Variants in NAA11 observed in about 807,000 individuals in gnomAD.
NAA11 encodes N-alpha-acetyltransferase 11, NatA catalytic subunit.
NAA11 carries 15 observed loss-of-function variants against 16.1 expected under a neutral mutation model. The ratio of observed to expected loss-of-function variants is 0.93; its 90% confidence interval spans 0.62 to 1.44. NAA11 has a LOEUF of 1.44. Ranked by LOEUF, NAA11 falls within the 40% of genes most tolerant of loss-of-function variation. NAA11 has a pLI of 0.00. For missense variants in NAA11, 298 were observed against 291.3 expected (o/e 1.02, Z -0.17); for synonymous variants, 122 against 112.4 (o/e 1.09, Z -0.54).
At chr4:79,304,303 C>T (rs1723498591) in intron 1 of NAA11, among the ~76,000 whole-genome samples, 1 of 152,044 alleles carries the variant, frequency 6.6e-6, no homozygotes, top group Non-Finnish European at 1.5e-5. Flanking sequence ...TTGAAGAAAA[C>T]TGCAAGCAAT....
chr4:79,162,590 C>T, the NAA11 span, among the ~76,000 whole-genome samples: 34 of 152,176 alleles, frequency 2.2e-4, no homozygotes, highest in Non-Finnish European at 4.0e-4. Flanking sequence ...ACAAATATCC[C>T]ATGATTATAA....
intron 1 of NAA11, among the ~76,000 whole-genome samples, chr4:79,311,331 C>CT (rs1560469426): frequency 6.6e-6 from 1 of 152,084 alleles, no homozygotes; most frequent in Non-Finnish European, 1.5e-5. Flanking sequence ...ATAAAAAATA[C>CT]TTTTTTTCTT....
At position 79,232,917 on chromosome 4, in the gene NAA11, T is replaced by C. The variant is rs576813777; in HGVS notation, c.*123-6647A>G. Among the ~76,000 whole-genome samples the C allele has an allele frequency of 9.2e-5, 14 of 152,152 alleles. No individual in the cohort carries two copies. The South Asian group carries it at 2.5e-3, about 27-fold the overall frequency. Reference sequence around the variant, plus strand: ...ACATGGATTCAGATACTAGTTCTACTGCTAACTTTTATGGCCCAGGAAAAT... The same window carrying C: ...ACATGGATTCAGATACTAGTTCTACCGCTAACTTTTATGGCCCAGGAAAAT... On this transcript the variant is annotated intron_variant and NMD_transcript_variant, in intron 2 of 2. Coordinates refer to the NAA11 transcript ENST00000511542.
chr4:79,203,026 A>G, the NAA11 span, among the ~76,000 whole-genome samples: 10 of 151,728 alleles, frequency 6.6e-5, no homozygotes, highest in African/African-American at 2.2e-4. Context: ...ACATATATGT[A>G]AAGCCATAAT....
chr4:79,269,947 G>C (rs954240589), intron 2 of NAA11, among the ~76,000 whole-genome samples: 3 of 152,110 alleles, frequency 2.0e-5, no homozygotes, highest in African/African-American at 7.2e-5. Flanking sequence ...CAGCACCATA[G>C]TATTAAATAG....
chr4:79,156,214 A>G, the NAA11 span, among the ~76,000 whole-genome samples: 7 of 152,080 alleles, frequency 4.6e-5, no homozygotes, highest in Non-Finnish European at 1.0e-4. Context: ...TATATTTGAA[A>G]CCCATATGCT....
At chr4:79,198,413 A>G in the NAA11 span, among the ~76,000 whole-genome samples, 1 of 152,000 alleles carries the variant, frequency 6.6e-6, no homozygotes, top group African/African-American at 2.4e-5. Context: ...AAGCATGGGA[A>G]TCAATAACTA....
At chr4:79,166,186 T>A in the NAA11 span, among the ~76,000 whole-genome samples, 6 of 152,174 alleles carry the variant, frequency 3.9e-5, no homozygotes, top group African/African-American at 1.4e-4. Context: ...AAACTTATCA[T>A]CTTAACTTAA....
At position 79,304,028 on chromosome 4, in the gene NAA11, A is replaced by C. The variant is rs1723488942; in HGVS notation, c.*13-9914T>G. On this transcript the variant is annotated intron_variant and NMD_transcript_variant, in intron 1 of 2. Transcript: ENST00000511542. Reference sequence around the variant, plus strand: ...TCTATGGCATACTTTTCTTAGTGACAGCTCGACAGCTCTTCGACCATCATG... The same window carrying C: ...TCTATGGCATACTTTTCTTAGTGACCGCTCGACAGCTCTTCGACCATCATG... Among the ~76,000 whole-genome samples, 3 of 152,130 alleles carry C rather than the reference A, an allele frequency of 2.0e-5. No individual in the cohort carries two copies. The South Asian group carries it at 6.2e-4, about 32-fold the overall frequency.
chr4:79,224,522 AC>A (rs1261330491), downstream of NAA11, among the ~76,000 whole-genome samples: 1 of 152,100 alleles, frequency 6.6e-6, no homozygotes, highest in Non-Finnish European at 1.5e-5. Flanking sequence ...AAAGCAACCA[AC>A]CAGACAAACA....
At chr4:79,269,943 C>T (rs1343228459) in intron 2 of NAA11, among the ~76,000 whole-genome samples, 2 of 152,114 alleles carry the variant, frequency 1.3e-5, no homozygotes, top group African/African-American at 4.8e-5. Context: ...TTCCCAGCAC[C>T]ATAGTATTAA....
At chr4:79,259,754 T>C (rs897735886) in intron 2 of NAA11, among the ~76,000 whole-genome samples, 2 of 152,238 alleles carry the variant, frequency 1.3e-5, no homozygotes, top group African/African-American at 2.4e-5. Flanking sequence ...TACTTTCCCC[T>C]TTCTCATAGT....
chr4:79,301,460 A>G (rs1012359202), intron 1 of NAA11, among the ~76,000 whole-genome samples: 8 of 152,168 alleles, frequency 5.3e-5, no homozygotes, highest in African/African-American at 1.9e-4. Flanking sequence ...TATTTCTTTG[A>G]TACAATTTTT....
chr4:79,180,373 A>G, the NAA11 span, among the ~76,000 whole-genome samples: 2 of 152,216 alleles, frequency 1.3e-5, no homozygotes, highest in African/African-American at 2.4e-5. Context: ...TATAGTTTAT[A>G]TAACCAGAGT....
At chr4:79,193,297 C>G in the NAA11 span, among the ~76,000 whole-genome samples, 2 of 152,252 alleles carry the variant, frequency 1.3e-5, no homozygotes, top group East Asian at 3.9e-4. Flanking sequence ...GAAGTCCTTG[C>G]CCATGCCTAT....
intron 1 of NAA11, among the ~76,000 whole-genome samples, chr4:79,301,781 A>T (rs898599403): frequency 6.6e-6 from 1 of 152,212 alleles, no homozygotes; most frequent in African/African-American, 2.4e-5. Context: ...CACAAAAAAT[A>T]CTTGAATTTA....
chr4:79,254,801 T>A (rs1722071873), intron 2 of NAA11, among the ~76,000 whole-genome samples: 1 of 152,064 alleles, frequency 6.6e-6, no homozygotes, highest in Admixed American at 6.6e-5. Context: ...ATATACCATA[T>A]ATTTTAGTCA....
chr4:79,314,591 T>A (rs111395309), downstream of NAA11, among the ~76,000 whole-genome samples: 1,923 of 138,198 alleles, frequency 0.014, 17 homozygotes, highest in Non-Finnish European at 0.021. Flanking sequence ...GGATGGAAAA[T>A]CTCTATTAGA....
At chr4:79,308,778 A>G (rs1366284241) in intron 1 of NAA11, 3 of 151,168 alleles carry the variant, frequency 2.0e-5, no homozygotes. Context: ...ATTAAAAACT[A>G]AAAAAAAAGC....
Sources: allele counts gnomAD v4.1 joint callset (sites outside exome capture counted in the v4.1 genomes callset), GRCh38; gene constraint gnomAD v4.1.1; transcripts MANE v1.5; gene names NCBI Gene and HGNC (gene_info 2026-07-23, HGNC 2026-07-21).